CASK: variants seen among roughly 807,000 people sequenced by gnomAD.
CASK encodes calcium/calmodulin dependent serine protein kinase.
CASK carries 4 observed loss-of-function variants against 82.9 expected under a neutral mutation model. That is an observed-to-expected ratio of 0.05 (90% confidence interval 0.02 to 0.11). The LOEUF (loss-of-function observed/expected upper bound fraction) is 0.11, where lower values mean the gene tolerates loss of function less well. Ranked by LOEUF, CASK falls within the 10% of genes least tolerant of loss-of-function variation. The pLI is 1.00. For synonymous variants in CASK, 259 were observed against 253.5 expected, an observed-to-expected ratio of 1.02 and a Z score of -0.20; for missense variants, 358 against 720.9, an observed-to-expected ratio of 0.50 and a Z score of 5.76.
chrX:41,725,113 T>G (rs974389219), intron 5 of CASK, among the ~76,000 whole-genome samples: 4 of 111,761 alleles, frequency 3.6e-5, no homozygotes, highest in African/African-American at 1.3e-4. Context: ...AAACTTACAA[T>G]GAAGCATATG....
At chrX:41,554,952 T>C (rs2065142375) in intron 20 of CASK, among the ~76,000 whole-genome samples, 2 of 112,204 alleles carry the variant, frequency 1.8e-5, no homozygotes, top group African/African-American at 6.5e-5. Flanking sequence ...GGAACCACTG[T>C]GTGATTTTTC....
At chrX:41,787,395 G>A (rs1416410053) in intron 2 of CASK, 112 bp from the exon 3 acceptor site, 1 of 534,829 alleles carries the variant, frequency 1.9e-6, no homozygotes, top group Admixed American at 2.5e-5. Flanking sequence ...TCTAACTAGA[G>A]AGATGAAATC....
intron 9 of CASK, among the ~76,000 whole-genome samples, chrX:41,627,719 C>T (rs760250466): frequency 9.0e-4 from 101 of 112,633 alleles, no homozygotes; most frequent in Non-Finnish European, 1.4e-3. Context: ...AATATGAAAA[C>T]GGGCTGGACG....
At chrX:41,705,277 C>A (rs941189469) in intron 5 of CASK, among the ~76,000 whole-genome samples, 2 of 112,387 alleles carry the variant, frequency 1.8e-5, no homozygotes, top group Non-Finnish European at 3.8e-5. Context: ...AAATGTTGGG[C>A]CAGGCACAGT....
chrX:41,544,973 C>A (rs1027049263), intron 21 of CASK, among the ~76,000 whole-genome samples: 23 of 111,312 alleles, frequency 2.1e-4, no homozygotes, highest in African/African-American at 5.9e-4. Context: ...ATTACCTTCT[C>A]AAAGTTTATA....
At chrX:41,883,274 A>G (rs929748605) in intron 1 of CASK, among the ~76,000 whole-genome samples, 3 of 111,895 alleles carry the variant, frequency 2.7e-5, no homozygotes, top group Admixed American at 9.5e-5. Context: ...AAATCGACTG[A>G]AAGTCACATA....
At chrX:41,835,433 A>AT (rs1171125073) in intron 2 of CASK, among the ~76,000 whole-genome samples, 1 of 111,657 alleles carries the variant, frequency 9.0e-6, no homozygotes, top group Admixed American at 9.5e-5. Context: ...CTCATCTCAC[A>AT]TTTTTTTCAT....
intron 5 of CASK, among the ~76,000 whole-genome samples, chrX:41,709,324 G>A (rs2067934619): frequency 8.9e-6 from 1 of 111,765 alleles, no homozygotes; most frequent in Non-Finnish European, 1.9e-5. Context: ...TGAAAACAGG[G>A]TACCTTTACA....
intron 5 of CASK, chrX:41,675,684 G>T: frequency 3.2e-6 from 3 of 926,506 alleles, no homozygotes; most frequent in Non-Finnish European, 4.6e-6. Context: ...AAAAAACTTT[G>T]TGGGACAGCA....
intron 5 of CASK, chrX:41,696,593 T>C: frequency 2.5e-6 from 3 of 1,210,001 alleles, no homozygotes; most frequent in Non-Finnish European, 3.4e-6. Context: ...CTTTCAATAG[T>C]TGCTTAGATC....
intron 3 of CASK, among the ~76,000 whole-genome samples, chrX:41,764,563 G>T (rs1186052040): frequency 3.6e-5 from 4 of 111,432 alleles, no homozygotes; most frequent in Non-Finnish European, 7.5e-5. Context: ...TTAGTCAGTG[G>T]CACCATCATA....
chrX:41,555,604 C>T lies in CASK; in HGVS notation c.1838G>A (p.Arg613Gln), dbSNP rs772048173. 2.5e-6 allele frequency: 3 copies of T among 1,198,372 alleles called. No individual in the cohort carries two copies. Among genetic ancestry groups the T allele is most frequent in the Non-Finnish European group, 1.1e-6 (1 of 884,982 alleles). The change falls in exon 20 of 27, where the codon CGA (arginine) becomes CAA (glutamine). Residue 613 changes from arginine to glutamine, a missense_variant. Coordinates refer to ENST00000378163, the MANE Select transcript of CASK (RefSeq NM_001367721.1). ...CTATAGAGGATATCTATTCACCTGT[C>T]GTCCTTTTGGTTGGGTAGTTGATGG... is the stretch of plus-strand genomic sequence containing the variant. ...DLPSTTQPKG[R>Q]QIYVRAQFEY...
At chrX:41,842,278 T>C (rs761258169) in intron 2 of CASK, among the ~76,000 whole-genome samples, 2 of 111,581 alleles carry the variant, frequency 1.8e-5, no homozygotes, top group African/African-American at 3.3e-5. Flanking sequence ...TGTAGCTTTA[T>C]AGAAAATTCT....
intron 5 of CASK, among the ~76,000 whole-genome samples, chrX:41,673,563 G>T (rs1379732847): frequency 8.9e-6 from 1 of 111,821 alleles, no homozygotes; most frequent in Non-Finnish European, 1.9e-5. Context: ...TGCTATTTTA[G>T]TTGGGGTCAG....
At chrX:41,603,307 C>T (rs1463562467) in intron 12 of CASK, among the ~76,000 whole-genome samples, 1 of 111,985 alleles carries the variant, frequency 8.9e-6, no homozygotes, top group Admixed American at 9.5e-5. Context: ...CCATCTTTTT[C>T]CTTTAGGAAA....
chrX:41,527,292 G>A lies in CASK; in HGVS notation c.2521-3258C>T, dbSNP rs765758442. Among the ~76,000 whole-genome samples, 470 of 109,424 alleles carry A rather than the reference G, an allele frequency of 4.3e-3. 3 individuals carry two copies. The highest frequency in any genetic ancestry group is 0.015 in the African/African-American group (450 of 29,254). On this transcript the variant is annotated intron_variant, in intron 25 of 26. Transcript: ENST00000378163. ...GTGTGTAGAGAGAGAGAGAGAAACAGGGACAGATATGGACAGGGAGAGAAA... is the reference window on the plus strand; with the variant it reads ...GTGTGTAGAGAGAGAGAGAGAAACAAGGACAGATATGGACAGGGAGAGAAA...
At chrX:41,716,897 C>T (rs2068071243) in intron 5 of CASK, among the ~76,000 whole-genome samples, 1 of 111,575 alleles carries the variant, frequency 9.0e-6, no homozygotes, top group Non-Finnish European at 1.9e-5. Context: ...ATGTTAACTC[C>T]CTTGTTCTTT....
chrX:41,548,635 T>C (rs762206710), intron 21 of CASK, among the ~76,000 whole-genome samples: 5 of 111,625 alleles, frequency 4.5e-5, no homozygotes, highest in Non-Finnish European at 9.4e-5. Context: ...AGGAGGCTGA[T>C]AAAGGCTTGC....
chrX:41,753,920 A>C (rs1195231511), intron 3 of CASK, among the ~76,000 whole-genome samples: 1 of 112,438 alleles, frequency 8.9e-6, no homozygotes, highest in East Asian at 2.8e-4. Context: ...AAAGCAATTA[A>C]TAAATCTAGA....
Sources: gnomAD v4.1 joint callset for allele counts (sites outside exome capture counted in the v4.1 genomes callset) on GRCh38, gnomAD v4.1.1 for gene constraint, MANE v1.5 for transcripts, NCBI Gene and HGNC (gene_info 2026-07-23, HGNC 2026-07-21) for gene names.